CPQ: variants seen among roughly 807,000 people sequenced by gnomAD.
The protein encoded by CPQ is carboxypeptidase Q.
Under a neutral mutation model 45.7 loss-of-function variants are expected in CPQ, and 37 were observed. The observed-to-expected ratio is 0.81, with a 90% confidence interval of 0.62 to 1.07. CPQ has a LOEUF of 1.07. CPQ is among the 50% of genes least tolerant of loss of function. CPQ has a pLI of 0.00. For missense variants in CPQ, 537 were observed against 572.9 expected, an observed-to-expected ratio of 0.94 and a Z score of 0.64; for synonymous variants, 186 against 205.8, an observed-to-expected ratio of 0.90 and a Z score of 0.82.
intron 7 of CPQ, among the ~76,000 whole-genome samples, chr8:97,087,057 CTTCT>C (rs1811051534): frequency 6.6e-6 from 1 of 152,098 alleles, no homozygotes; most frequent in Admixed American, 6.6e-5. Flanking sequence ...TCTGGCATTC[CTTCT>C]TTCTTTATTT....
intron 3 of CPQ, among the ~76,000 whole-genome samples, chr8:96,859,630 G>A (rs1811901566): frequency 6.6e-6 from 1 of 152,098 alleles, no homozygotes; most frequent in African/African-American, 2.4e-5. Flanking sequence ...ACTTTCTAAT[G>A]TCCTTAAATA....
At chr8:97,028,356 C>G (rs1190755904) in intron 5 of CPQ, among the ~76,000 whole-genome samples, 6 of 152,198 alleles carry the variant, frequency 3.9e-5, no homozygotes, top group Non-Finnish European at 5.9e-5. Context: ...CTTCAAAAGC[C>G]ACACACCTGG....
chr8:96,870,483 G>A (rs559533089), intron 3 of CPQ, among the ~76,000 whole-genome samples: 46 of 151,876 alleles, frequency 3.0e-4, no homozygotes, highest in Non-Finnish European at 5.9e-4. Flanking sequence ...CATTAGAGGG[G>A]TGAGCGGCAA....
intron 2 of CPQ, among the ~76,000 whole-genome samples, chr8:96,805,901 C>G (rs1012119629): frequency 3.9e-5 from 6 of 151,990 alleles, no homozygotes; most frequent in Non-Finnish European, 8.8e-5. Context: ...TGAGAACTAG[C>G]TGGACGGGGC....
Position 96,659,022 on chromosome 8 carries a change from C to T in CPQ, c.-35+13620C>T, listed in dbSNP as rs930897465. Among the ~76,000 whole-genome samples the T allele has an allele frequency of 5.9e-5, 9 of 152,300 alleles. No homozygotes were observed. In the South Asian group the frequency reaches 1.9e-3, roughly 32 times the overall value. Reference sequence around the variant, plus strand: ...CAGAAATAGGAAATAAATGCACCGCCATATGGGGTTGTTGTAAGGGTTAGG... The same window carrying T: ...CAGAAATAGGAAATAAATGCACCGCTATATGGGGTTGTTGTAAGGGTTAGG... On this transcript the variant is annotated intron_variant, in intron 1 of 7. Coordinates refer to ENST00000220763, the MANE Select transcript of CPQ (RefSeq NM_016134.4).
At chr8:96,663,765 T>G (rs1254117906) in intron 1 of CPQ, among the ~76,000 whole-genome samples, 2 of 151,966 alleles carry the variant, frequency 1.3e-5, no homozygotes, top group Admixed American at 1.3e-4. Context: ...TGTGTGTTTG[T>G]GTGTGTGTGT....
At chr8:97,127,705 A>G (rs1811871193) in intron 7 of CPQ, among the ~76,000 whole-genome samples, 1 of 152,228 alleles carries the variant, frequency 6.6e-6, no homozygotes, top group Admixed American at 6.5e-5. Flanking sequence ...AATGAAAAAA[A>G]GAAAAAGAAA....
chr8:97,057,368 T>A (rs978582360), intron 6 of CPQ, among the ~76,000 whole-genome samples: 1 of 152,328 alleles, frequency 6.6e-6, no homozygotes, highest in African/African-American at 2.4e-5. Flanking sequence ...GGAGACTGTG[T>A]CCATTATTTT....
chr8:96,718,416 G>T (rs945589506), intron 1 of CPQ, among the ~76,000 whole-genome samples: 1 of 152,066 alleles, frequency 6.6e-6, no homozygotes, highest in Non-Finnish European at 1.5e-5. Context: ...AGACCTTCGC[G>T]GTGAGTGTTA....
chr8:96,684,526 G>A (rs576149109), intron 1 of CPQ, among the ~76,000 whole-genome samples: 6 of 152,234 alleles, frequency 3.9e-5, no homozygotes, highest in East Asian at 1.9e-4. Context: ...CAGTATGCTC[G>A]GGTGCAAGCA....
intron 4 of CPQ, among the ~76,000 whole-genome samples, chr8:96,926,596 CTT>C (rs1812887755): frequency 6.9e-6 from 1 of 145,410 alleles, no homozygotes; most frequent in Non-Finnish European, 1.5e-5. Flanking sequence ...TCTTCTTCTT[CTT>C]CTTCTTCTTC....
intron 1 of CPQ, among the ~76,000 whole-genome samples, chr8:96,717,509 T>C (rs1381756185): frequency 6.6e-6 from 1 of 152,178 alleles, no homozygotes; most frequent in Non-Finnish European, 1.5e-5. Context: ...AAGAACAATA[T>C]GATTTATTCT....
At chr8:96,672,834 C>G (rs1809023407) in intron 1 of CPQ, among the ~76,000 whole-genome samples, 1 of 151,930 alleles carries the variant, frequency 6.6e-6, no homozygotes, top group South Asian at 2.1e-4. Context: ...AATGTTGTTT[C>G]TTTAAAATTT....
chr8:96,926,576 C>CTCTTCCTCTTCCTCTTCCTCTTCCTCT (rs1445697100), intron 4 of CPQ, among the ~76,000 whole-genome samples: 10 of 75,036 alleles, frequency 1.3e-4, no homozygotes, highest in African/African-American at 7.3e-4. Context: ...CTTCCTCTTC[C>CTCTTCCTCTTCCTCTTCCTCTTCCTCT]TCTTCTTCTT....
At chr8:96,827,150 C>G (rs988484087) in intron 2 of CPQ, among the ~76,000 whole-genome samples, 2 of 152,020 alleles carry the variant, frequency 1.3e-5, no homozygotes, top group African/African-American at 4.8e-5. Context: ...ACTGAGATAT[C>G]GCAGTTTACA....
chr8:97,124,590 C>T (rs932145786), intron 7 of CPQ, among the ~76,000 whole-genome samples: 2 of 152,128 alleles, frequency 1.3e-5, no homozygotes, highest in Non-Finnish European at 2.9e-5. Flanking sequence ...TGTTGACCAC[C>T]ATGGAATTGG....
chr8:96,926,576 C>CTCTTCCTCCTCTTCTTCTTCT (rs1445697100), intron 4 of CPQ, among the ~76,000 whole-genome samples: 1 of 74,978 alleles, frequency 1.3e-5, no homozygotes, highest in African/African-American at 8.2e-5. Context: ...CTTCCTCTTC[C>CTCTTCCTCCTCTTCTTCTTCT]TCTTCTTCTT....
chr8:96,801,422 A>G (rs538185270), intron 2 of CPQ, among the ~76,000 whole-genome samples: 118 of 152,234 alleles, frequency 7.8e-4, no homozygotes, highest in African/African-American at 2.8e-3. Flanking sequence ...CTTTTCACTC[A>G]CTATTTTATG....
intron 1 of CPQ, among the ~76,000 whole-genome samples, chr8:96,724,527 C>A (rs1338750838): frequency 1.4e-5 from 2 of 143,120 alleles, no homozygotes; most frequent in East Asian, 2.0e-4. Context: ...ACACACACAC[C>A]CCTAGGAATA....
Sources: gnomAD v4.1 joint callset for allele counts (sites outside exome capture counted in the v4.1 genomes callset) on GRCh38, gnomAD v4.1.1 for gene constraint, MANE v1.5 for transcripts, NCBI Gene and HGNC (gene_info 2026-07-23, HGNC 2026-07-21) for gene names.